CMYA5: variants seen among roughly 807,000 people sequenced by gnomAD.
CMYA5 encodes the protein cardiomyopathy-associated protein 5.
In CMYA5, 246 loss-of-function variants were observed where a neutral mutation model predicts 318.9. That is an observed-to-expected ratio of 0.77 (90% CI 0.70 to 0.86). CMYA5 has a LOEUF of 0.86. Among genes scored for constraint, CMYA5 ranks in the 40% least tolerant of loss-of-function variants. CMYA5 has a pLI of 0.00. For synonymous variants in CMYA5, 1,641 were observed against 1,729.5 expected (o/e 0.95, Z 1.27); for missense variants, 4,589 against 4,678.2 (o/e 0.98, Z 0.56).
At chr5:79,741,854 T>G (rs1176317046) in intron 2 of CMYA5, among the ~76,000 whole-genome samples, 1 of 152,160 alleles carries the variant, frequency 6.6e-6, no homozygotes, top group African/African-American at 2.4e-5. Flanking sequence ...TAAAATCATT[T>G]TTAAAGTTTT....
At chr5:79,768,170 C>T (rs2151096461) in intron 9 of CMYA5, among the ~76,000 whole-genome samples, 1 of 152,074 alleles carries the variant, frequency 6.6e-6, no homozygotes, top group Admixed American at 6.6e-5. Flanking sequence ...TTCCTCCATC[C>T]CTTTATTTTG....
At position 79,758,841 on chromosome 5, in the gene CMYA5, T is replaced by C. The variant is rs772652141; in HGVS notation, c.11199T>C (p.Asp3733=). 35 of 1,606,332 alleles carry C rather than the reference T, an allele frequency of 2.2e-5. No homozygotes were observed. In the South Asian group the frequency reaches 3.5e-4, roughly 16 times the overall value. ...TTTACTGGAGCATGAACAAGGAAGA[T>C]GTCATTGATTCATTTCAGGTTTACT... is the stretch of plus-strand genomic sequence containing the variant. ...IAVYWSMNKE[D]VIDSFQVYCM... The change falls in exon 7 of 13, where the codon GAT becomes GAC. Residue 3733 remains aspartate, a synonymous_variant. Transcript: ENST00000446378.
At chr5:79,793,825 G>A (rs974764695) in intron 12 of CMYA5, among the ~76,000 whole-genome samples, 1 of 152,168 alleles carries the variant, frequency 6.6e-6, no homozygotes, top group Non-Finnish European at 1.5e-5. Context: ...CCTGAAGAGG[G>A]TTTCTTATAT....
chr5:79,727,676 A>G (rs16877093), intron 1 of CMYA5, among the ~76,000 whole-genome samples: 33,511 of 152,110 alleles, frequency 0.22, 6,614 homozygotes, highest in African/African-American at 0.52. Flanking sequence ...ACCCAGCCTT[A>G]AGGAGTAGGT....
At chr5:79,716,152 G>A (rs1164163176) in intron 1 of CMYA5, among the ~76,000 whole-genome samples, 2 of 152,110 alleles carry the variant, frequency 1.3e-5, no homozygotes, top group Non-Finnish European at 2.9e-5. Context: ...TGGTATGTGT[G>A]GCCATTTATT....
At chr5:79,714,001 C>G (rs1827463942) in intron 1 of CMYA5, among the ~76,000 whole-genome samples, 1 of 152,136 alleles carries the variant, frequency 6.6e-6, no homozygotes, top group Non-Finnish European at 1.5e-5. Context: ...CACCGTTAGC[C>G]AATTATCAGG....
chr5:79,748,528 T>C (rs201945201), intron 5 of CMYA5, among the ~76,000 whole-genome samples: 8,554 of 130,896 alleles, frequency 0.065, 388 homozygotes, highest in East Asian at 0.24. Context: ...TACCTATCTA[T>C]CTATCTATCT....
intron 12 of CMYA5, 30 bp downstream of exon 12, chr5:79,793,640 T>G: frequency 1.3e-6 from 2 of 1,572,462 alleles, no homozygotes; most frequent in Non-Finnish European, 1.7e-6. Flanking sequence ...CCCCTCTTCA[T>G]CAAAATATTA....
chr5:79,732,589 A>G lies in CMYA5; in HGVS notation c.3824A>G (p.Glu1275Gly). 1 of 1,613,074 alleles carries G rather than the reference A, an allele frequency of 6.2e-7. No homozygotes were observed. The highest frequency in any genetic ancestry group is 8.5e-7 in the Non-Finnish European group (1 of 1,179,536). The change falls in exon 2 of 13, where the codon GAG becomes GGG. Residue 1275 changes from glutamate (E) to glycine (G), a missense_variant. Coordinates refer to ENST00000446378, the MANE Select transcript of CMYA5 (RefSeq NM_153610.5). ...GAACAGAGAAAGTTGTCCAAGAATG[A>G]GCCTGAAGTAATAAAACCATATTCA... is the stretch of plus-strand genomic sequence containing the variant. ...ELEQRKLSKN[E>G]PEVIKPYSPL...
At chr5:79,756,235 G>A (rs965128771) in intron 6 of CMYA5, among the ~76,000 whole-genome samples, 1 of 152,128 alleles carries the variant, frequency 6.6e-6, no homozygotes, top group East Asian at 1.9e-4. Context: ...AGTTCCTGGG[G>A]AGGTGCTCTC....
rs1827970706 is a variant in CMYA5, at chr5:79,733,535, T to C, written c.4770T>C (p.Asp1590=). 3 of 1,613,904 alleles carry C rather than the reference T, an allele frequency of 1.9e-6. No homozygotes were observed. The Admixed American group carries it at 5.0e-5, about 27-fold the overall frequency. The part of the protein sequence containing the change: ...LAPTLLLLSD[D]KNKPAVEVSS... ...CAACATTACTGCTCCTCAGTGATGA[T>C]AAGAACAAACCGGCAGTGGAGGTAT... Residue 1590 remains aspartate (D), a synonymous_variant, in exon 2 of 13, where the codon GAT becomes GAC. Coordinates refer to ENST00000446378, the MANE Select transcript of CMYA5 (RefSeq NM_153610.5).
intron 9 of CMYA5, among the ~76,000 whole-genome samples, chr5:79,768,163 C>T (rs935401181): frequency 2.6e-5 from 4 of 151,906 alleles, no homozygotes; most frequent in Admixed American, 2.0e-4. Flanking sequence ...GTAAGTATTC[C>T]TCCATCCCTT....
At chr5:79,789,787 T>C (rs1341368506) in intron 10 of CMYA5, among the ~76,000 whole-genome samples, 1 of 152,176 alleles carries the variant, frequency 6.6e-6, no homozygotes, top group East Asian at 1.9e-4. Context: ...TGTGTGTATG[T>C]GTGGTAGGTT....
At position 79,736,772 on chromosome 5, in the gene CMYA5, C is replaced by T. The variant is rs371020845; in HGVS notation, c.8007C>T (p.His2669=). The change falls in exon 2 of 13, where the codon CAC becomes CAT. Residue 2669 remains histidine (H), a synonymous_variant. Transcript: ENST00000446378. ...AGTCAAGCAGAGATATGCCAGATCA[C>T]AGTGAAGAAAAAGAACAGTTCAGAG... ...LEKSSRDMPD[H]SEEKEQFRES... is the part of the protein sequence containing the mutation. 4 of 1,612,246 alleles carry T rather than the reference C, an allele frequency of 2.5e-6. No individual in the cohort carries two copies. The African/African-American group carries it at 5.4e-5, about 22-fold the overall frequency.
At position 79,732,993 on chromosome 5, in the gene CMYA5, C is replaced by T. The variant is rs561411710; in HGVS notation, c.4228C>T (p.His1410Tyr). The T allele has an allele frequency of 1.9e-6, 3 of 1,613,240 alleles. No individual in the cohort carries two copies. Among genetic ancestry groups the T allele is most frequent in the African/African-American group, 2.7e-5 (2 of 75,042 alleles). Residue 1410 changes from histidine to tyrosine, a missense_variant, in exon 2 of 13, where the codon CAT becomes TAT. By Grantham distance (83) the His-to-Tyr change is moderately conservative. Around this residue, in one of 3 missense-constraint regions of CMYA5, gnomAD observed 2,132 missense variants for 2,131.3 expected, o/e 1.00. Transcript: ENST00000446378. ...ACCACTGGTAACATCTGCAGATGAA[C>T]ATTCAGTTCTTGCAGAAGAAGACAA... ...LPPLVTSADE[H>Y]SVLAEEDKVA... is the part of the protein sequence containing the mutation.
Position 79,730,717 on chromosome 5 carries a change from G to A in CMYA5, c.1952G>A (p.Ser651Asn), listed in dbSNP as rs774395960. ...YSPAAAPTSE[S>N]SLSPSTTEKT... ...CCAGCTGCAGCCCCTACATCTGAGA[G>A]CTCTCTCTCACCATCCACAACTGAG... Residue 651 changes from serine to asparagine, a missense_variant, in exon 2 of 13, where the codon AGC becomes AAC. Coordinates refer to ENST00000446378, the MANE Select transcript of CMYA5 (RefSeq NM_153610.5). 3.7e-6 allele frequency: 6 copies of A among 1,613,800 alleles called. No homozygotes were observed. Among genetic ancestry groups the A allele is most frequent in the East Asian group, 2.2e-5 (1 of 44,852 alleles).
Position 79,731,180 on chromosome 5 carries a change from C to T in CMYA5, c.2415C>T (p.Leu805=), listed in dbSNP as rs1319647475. The T allele has an allele frequency of 6.2e-7, 1 of 1,614,022 alleles. No homozygotes were observed. Among genetic ancestry groups the T allele is most frequent in the Admixed American group, 1.7e-5 (1 of 60,028 alleles). Residue 805 remains leucine (L), a synonymous_variant, in exon 2 of 13, where the codon CTC becomes CTT. Transcript: ENST00000446378. ...SKLISKYAAP[L]NATQESQKKI... ...TGATCTCCAAATATGCAGCCCCACT[C>T]AATGCAACACAGGAATCTCAAAAGA...
chr5:79,730,608 C>T lies in CMYA5; in HGVS notation c.1843C>T (p.Pro615Ser). 1 of 1,613,994 alleles carries T rather than the reference C, an allele frequency of 6.2e-7. No individual in the cohort carries two copies. Among genetic ancestry groups the T allele is most frequent in the Non-Finnish European group, 8.5e-7 (1 of 1,179,888 alleles). Reference protein sequence around the residue: ...NHELQEQEGEPVPPSNVEAIA... With the variant: ...NHELQEQEGESVPPSNVEAIA... ...TGAATTACAGGAGCAAGAAGGTGAG[C>T]CAGTTCCCCCATCCAATGTAGAAGC... The change falls in exon 2 of 13, where the codon CCA becomes TCA. Residue 615 changes from proline to serine, a missense_variant. Pro to Ser is a moderately conservative substitution (Grantham distance 74, BLOSUM62 -1). This residue lies in a region of CMYA5 where 2,132 missense variants were observed against 2,131.3 expected (regional missense o/e 1.00). Coordinates refer to ENST00000446378, the MANE Select transcript of CMYA5 (RefSeq NM_153610.5).
rs527321531 is a variant in CMYA5, at chr5:79,734,955, A to G, written c.6190A>G (p.Thr2064Ala). The part of the protein sequence containing the change: ...GLSVEQVKSE[T>A]ISSSVKTAHF... The stretch of plus-strand genomic sequence containing the variant: ...ATCAGTGGAACAGGTGAAGTCAGAA[A>G]CAATCTCCTCTTCTGTCAAAACAGC... The change falls in exon 2 of 13, where the codon ACA becomes GCA. Residue 2064 changes from threonine (T) to alanine (A), a missense_variant. Around this residue, in one of 3 missense-constraint regions of CMYA5, gnomAD observed 2,431 missense variants for 2,495.1 expected, o/e 0.97. Coordinates refer to ENST00000446378, the MANE Select transcript of CMYA5 (RefSeq NM_153610.5). 6.2e-7 allele frequency: 1 copy of G among 1,613,842 alleles called. No individual in the cohort carries two copies. The highest frequency in any genetic ancestry group is 8.5e-7 in the Non-Finnish European group (1 of 1,179,810).
Sources: gnomAD v4.1 joint callset for allele counts (sites outside exome capture counted in the v4.1 genomes callset) on GRCh38, gnomAD v4.1.1 for gene constraint, gnomAD v4.1.1 regional missense constraint, MANE v1.5 for transcripts, NCBI Gene and HGNC (gene_info 2026-07-23, HGNC 2026-07-21) for gene names.